Variants in IRAG1 observed in about 807,000 individuals in gnomAD.
IRAG1 encodes the protein inositol 1,4,5-triphosphate receptor associated 1, also known as IP3R-associated cGMP kinase substrate.
IRAG1 carries 62 observed loss-of-function variants against 106.2 expected under a neutral mutation model. The observed-to-expected ratio is 0.58, with a 90% confidence interval of 0.48 to 0.72. The LOEUF is 0.72. IRAG1 is among the 30% of genes least tolerant of loss of function. IRAG1 has a pLI of 0.00. For missense variants in IRAG1, 1,064 were observed against 1,140.7 expected, an observed-to-expected ratio of 0.93 and a Z score of 0.97; for synonymous variants, 462 against 443.9, an observed-to-expected ratio of 1.04 and a Z score of -0.51.
Position 10,609,710 on chromosome 11 carries a change from C to T in IRAG1, c.1571+18G>A. Reference sequence around the variant, plus strand: ...CCACTCGGTACAGGGCCTTCTGTAACCCACATCCTGATTTTACCTTCCAGG... The same window carrying T: ...CCACTCGGTACAGGGCCTTCTGTAATCCACATCCTGATTTTACCTTCCAGG... On this transcript the variant is annotated intron_variant, in intron 11 of 20. Transcript: ENST00000423302. 3 of 1,609,156 alleles carry T rather than the reference C, an allele frequency of 1.9e-6. No homozygotes were observed. The highest frequency in any genetic ancestry group is 2.5e-6 in the Non-Finnish European group (3 of 1,179,314).
chr11:10,593,072 C>T (rs1161407201), intron 17 of IRAG1: 1 of 154,206 alleles, frequency 6.5e-6, no homozygotes, highest in East Asian at 1.9e-4. Flanking sequence ...CTACAATGAA[C>T]TGAGGCAGGA....
chr11:10,609,692 G>C (rs1218123416), intron 11 of IRAG1, 36 bp downstream of exon 11: 1 of 1,609,056 alleles, frequency 6.2e-7, no homozygotes, highest in Non-Finnish European at 8.5e-7. Context: ...GGGCCACTCG[G>C]TACAGGGCCT....
At chr11:10,643,988 G>A (rs898270992) in intron 2 of IRAG1, among the ~76,000 whole-genome samples, 2 of 152,216 alleles carry the variant, frequency 1.3e-5, no homozygotes, top group Admixed American at 1.3e-4. Context: ...CCTTGTTTTA[G>A]GCACTTCCAC....
rs370535024 is a variant in IRAG1 at position 10,671,812 on chromosome 11, A to G, written c.68-19630T>C. ...ACTTTTACTCTGAGAGATATGAAAT[A>G]TATTTGAAAGAAATTAAAGCCCTAA... On this transcript the variant is annotated intron_variant, in intron 1 of 20. Transcript: ENST00000423302. Among the ~76,000 whole-genome samples the G allele has an allele frequency of 9.8e-5, 15 of 152,344 alleles. No individual in the cohort carries two copies. In the South Asian group the frequency reaches 2.5e-3, roughly 25 times the overall value.
At chr11:10,668,179 C>T (rs1032150384) in intron 1 of IRAG1, among the ~76,000 whole-genome samples, 7 of 152,182 alleles carry the variant, frequency 4.6e-5, no homozygotes, top group Admixed American at 4.6e-4. Flanking sequence ...AACCCTCTGC[C>T]CCATTTCCTT....
chr11:10,619,037 G>A (rs1180241885), intron 10 of IRAG1, among the ~76,000 whole-genome samples: 1 of 152,134 alleles, frequency 6.6e-6, no homozygotes, highest in African/African-American at 2.4e-5. Flanking sequence ...GCTGGGACAA[G>A]GCCTTCTCCC....
chr11:10,577,161 A>C (rs1171258711), intron 20 of IRAG1, among the ~76,000 whole-genome samples: 1 of 152,196 alleles, frequency 6.6e-6, no homozygotes, highest in Non-Finnish European at 1.5e-5. Flanking sequence ...AGTTCACTTC[A>C]AACCATCCAA....
chr11:10,668,119 A>G (rs1369937555), intron 1 of IRAG1, among the ~76,000 whole-genome samples: 1 of 152,190 alleles, frequency 6.6e-6, no homozygotes, highest in Non-Finnish European at 1.5e-5. Flanking sequence ...TGTCTCCATG[A>G]AAGACCCTAC....
intron 10 of IRAG1, chr11:10,616,951 A>G: frequency 1.2e-6 from 1 of 868,352 alleles, no homozygotes; most frequent in Non-Finnish European, 1.4e-6. Context: ...GGACTTGGAA[A>G]AATTACTTTT....
At chr11:10,598,581 A>T (rs1853588078) in intron 15 of IRAG1, among the ~76,000 whole-genome samples, 1 of 152,238 alleles carries the variant, frequency 6.6e-6, no homozygotes, top group South Asian at 2.1e-4. Flanking sequence ...ATAAGACAAG[A>T]CACAATTGTG....
At position 10,652,100 on chromosome 11, in the gene IRAG1, C is replaced by T; in HGVS notation, c.150G>A (p.Glu50=). The T allele has an allele frequency of 6.2e-7, 1 of 1,608,570 alleles. No homozygotes were observed. The highest frequency in any genetic ancestry group is 8.5e-7 in the Non-Finnish European group (1 of 1,177,860). Residue 50 remains glutamate (E), a synonymous_variant, in exon 2 of 21, where the codon GAG becomes GAA. Transcript: ENST00000423302. ...CCTCGGGAATGTGGGGCATGGCAGC[C>T]TCCTGCTGGGAGTGGCCACGTGTGC... ...VPGTRGHSQQ[E]AAMPHIPEDE...
intron 18 of IRAG1, among the ~76,000 whole-genome samples, chr11:10,588,354 G>GT (rs1435996671): frequency 2.1e-5 from 3 of 145,030 alleles, no homozygotes; most frequent in Non-Finnish European, 3.0e-5. Flanking sequence ...TTTTTTTTTT[G>GT]TTTTTTGAGA....
intron 2 of IRAG1, among the ~76,000 whole-genome samples, chr11:10,651,443 C>T (rs986277492): frequency 2.6e-5 from 4 of 152,164 alleles, no homozygotes; most frequent in African/African-American, 9.7e-5. Flanking sequence ...ACATTTTATT[C>T]TTTCTTCAAT....
Position 10,657,621 on chromosome 11 carries a change from T to G in IRAG1, c.68-5439A>C, listed in dbSNP as rs1211572752. Among the ~76,000 whole-genome samples the G allele has an allele frequency of 1.3e-5, 2 of 152,224 alleles. No homozygotes were observed. The highest frequency in any genetic ancestry group is 4.8e-5 in the African/African-American group (2 of 41,454). ...ACTCAGTATTCTCAGAAGGGAGTTT[T>G]TTTGTTCTTCCAGCTTTGAATTTTT... is the stretch of plus-strand genomic sequence containing the variant. On this transcript the variant is annotated intron_variant, in intron 1 of 20. Transcript: ENST00000423302. This position sits in a 1 kb window ranked among gnomAD's most constrained non-coding sequence, Gnocchi z 4.1.
At chr11:10,662,923 T>C (rs977809946) in intron 1 of IRAG1, among the ~76,000 whole-genome samples, 1 of 152,240 alleles carries the variant, frequency 6.6e-6, no homozygotes, top group Non-Finnish European at 1.5e-5. Context: ...ACCCACTTGA[T>C]GGGATCGCAC....
chr11:10,619,501 A>ATC (rs200836224), intron 10 of IRAG1, among the ~76,000 whole-genome samples: 2,522 of 152,282 alleles, frequency 0.017, 1 homozygote, highest in African/African-American at 0.058. Context: ...AGAATATAAG[A>ATC]AAAGAAAGTC....
chr11:10,685,814 T>C (rs1861625391), intron 1 of IRAG1, among the ~76,000 whole-genome samples: 1 of 151,930 alleles, frequency 6.6e-6, no homozygotes, highest in African/African-American at 2.4e-5. Context: ...AACTAATCAA[T>C]TCCAGGTCAC....
In IRAG1 at chr11:10,667,122, A is replaced by G. The variant is rs1859843910; in HGVS notation, c.68-14940T>C. 2.0e-5 allele frequency among the ~76,000 whole-genome samples: 3 copies of G among 150,196 alleles called. No homozygotes were observed. In the Admixed American group the frequency reaches 2.0e-4, roughly 10 times the overall value. ...TTAATATGACAACATATGTTTATAG[A>G]ACAGAAGTTTTTTTTTTCGTTTTTT... is the stretch of plus-strand genomic sequence containing the variant. On this transcript the variant is annotated intron_variant, in intron 1 of 20. Transcript: ENST00000423302.
chr11:10,677,023 C>T (rs1327334087), intron 1 of IRAG1, among the ~76,000 whole-genome samples: 2 of 152,206 alleles, frequency 1.3e-5, no homozygotes, highest in Non-Finnish European at 2.9e-5. Context: ...CTCCCCACTG[C>T]CTGGAGATCA....
Sources: gnomAD v4.1 joint callset for allele counts (sites outside exome capture counted in the v4.1 genomes callset) on GRCh38, gnomAD v4.1.1 for gene constraint, Gnocchi (gnomAD v3.1) non-coding constraint, MANE v1.5 for transcripts, NCBI Gene and HGNC (gene_info 2026-07-23, HGNC 2026-07-21) for gene names.